NUFIP2: variants seen among roughly 807,000 people sequenced by gnomAD.
NUFIP2 encodes nuclear FMR1 interacting protein 2.
A neutral mutation model predicts 56.9 loss-of-function variants in NUFIP2; 6 were observed. The observed-to-expected ratio is 0.11, with a 90% CI of 0.06 to 0.21. NUFIP2 has a LOEUF of 0.21. NUFIP2 is among the 10% of genes least tolerant of loss of function. The probability of loss-of-function intolerance (pLI) is 1.00; values close to 1 mark genes in which losing one functional copy is unlikely to be tolerated. For synonymous variants in NUFIP2, 321 were observed against 298.2 expected, an observed-to-expected ratio of 1.08 and a Z score of -0.79; for missense variants, 828 against 826.8, an observed-to-expected ratio of 1.00 and a Z score of -0.02.
At chr17:29,284,706 CAAAAAAAAAAAAA>C (rs66700326) in intron 2 of NUFIP2, among the ~76,000 whole-genome samples, 5 of 53,636 alleles carry the variant, frequency 9.3e-5, no homozygotes, top group African/African-American at 3.2e-4. Context: ...GACTCCATCT[CAAAAAAAAAAAAA>C]AAAAAAAAGA....
At chr17:29,285,590 A>G (rs1355473601) in intron 2 of NUFIP2, among the ~76,000 whole-genome samples, 2 of 146,764 alleles carry the variant, frequency 1.4e-5, no homozygotes, top group African/African-American at 2.4e-5. Context: ...ACTCCATCTC[A>G]AAGAAAAAAA....
At chr17:29,268,251 T>C (rs1348840631) in intron 2 of NUFIP2, among the ~76,000 whole-genome samples, 1 of 152,140 alleles carries the variant, frequency 6.6e-6, no homozygotes, top group Non-Finnish European at 1.5e-5. Context: ...TGAAATCAAA[T>C]TGCCAGAATA....
intron 2 of NUFIP2, among the ~76,000 whole-genome samples, chr17:29,272,998 C>T (rs1046534144): frequency 4.6e-5 from 7 of 150,694 alleles, no homozygotes; most frequent in Non-Finnish European, 8.9e-5. Flanking sequence ...TACAGGCACA[C>T]GCCACCAGGC....
At chr17:29,268,787 C>G (rs1480718145) in intron 2 of NUFIP2, among the ~76,000 whole-genome samples, 2 of 152,006 alleles carry the variant, frequency 1.3e-5, no homozygotes, top group African/African-American at 2.4e-5. Flanking sequence ...CCTCAGCCCC[C>G]CAAAGTGCTG....
chr17:29,273,277 ATCCAC>A (rs2069087231), intron 2 of NUFIP2, among the ~76,000 whole-genome samples: 1 of 151,872 alleles, frequency 6.6e-6, no homozygotes, highest in South Asian at 2.1e-4. Context: ...TGACCTCGTG[ATCCAC>A]CCGCCTCGGC....
intron 1 of NUFIP2, among the ~76,000 whole-genome samples, chr17:29,293,337 T>C (rs1311780459): frequency 6.6e-6 from 1 of 151,642 alleles, no homozygotes; most frequent in African/African-American, 2.4e-5. Flanking sequence ...CCTCGCCGCC[T>C]GCAAAAGGGT....
rs1703909098 is a variant in NUFIP2 at position 29,262,005 on chromosome 17, C to G, written c.*2534G>C. ...TTTTTGGCTTCTCTGAACACTGAGG[C>G]CTGAGGGATATGGAAGGAAATTAGA... On this transcript the variant is annotated 3_prime_UTR_variant, in exon 4 of 4. Transcript: ENST00000225388. 1 of 152,262 alleles carries G rather than the reference C, an allele frequency of 6.6e-6. No homozygotes were observed. Among genetic ancestry groups the G allele is most frequent in the African/African-American group, 2.4e-5 (1 of 41,400 alleles). The allele number at this position is 152,262 out of a possible 1,614,324, so 9.4% of individuals were successfully genotyped here. A position where few individuals can be genotyped will look rare whatever the true frequency, so the allele number is the denominator to read the frequency against.
chr17:29,273,810 TAGC>T (rs2069091036), intron 2 of NUFIP2, among the ~76,000 whole-genome samples: 1 of 152,200 alleles, frequency 6.6e-6, no homozygotes, highest in Non-Finnish European at 1.5e-5. Flanking sequence ...AACTTATATT[TAGC>T]TATGCCACTC....
At position 29,273,956 on chromosome 17, in the gene NUFIP2, A is replaced by C. The variant is rs80257085; in HGVS notation, c.2003-6426T>G. Among the ~76,000 whole-genome samples the C allele has an allele frequency of 3.1e-3, 477 of 151,758 alleles. 18 individuals carry two copies. In the East Asian group the frequency reaches 0.08, roughly 26 times the overall value. On this transcript the variant is annotated intron_variant, in intron 2 of 3. Coordinates refer to ENST00000225388, the MANE Select transcript of NUFIP2 (RefSeq NM_020772.3). ...CCAAGTTGATTGAAAAAAAAATACT[A>C]CTCACCAGCTCAGGGTATGAAAAAA...
At chr17:29,279,065 A>C (rs2069125299) in intron 2 of NUFIP2, among the ~76,000 whole-genome samples, 1 of 152,252 alleles carries the variant, frequency 6.6e-6, no homozygotes, top group African/African-American at 2.4e-5. Context: ...TTGCAGGCAC[A>C]CATTAATAAG....
intron 2 of NUFIP2, among the ~76,000 whole-genome samples, chr17:29,281,131 T>C (rs189190705): frequency 1.4e-5 from 2 of 146,852 alleles, no homozygotes; most frequent in East Asian, 2.1e-4. Flanking sequence ...ACCGTCACTA[T>C]ATGTATATAT....
At chr17:29,280,489 G>A (rs994318979) in intron 2 of NUFIP2, among the ~76,000 whole-genome samples, 8 of 152,104 alleles carry the variant, frequency 5.3e-5, no homozygotes, top group Non-Finnish European at 1.0e-4. Context: ...TACTTAAGGA[G>A]GCTGAAGCAG....
At chr17:29,285,305 C>T (rs1336641849) in intron 2 of NUFIP2, among the ~76,000 whole-genome samples, 1 of 147,458 alleles carries the variant, frequency 6.8e-6, no homozygotes, top group African/African-American at 2.5e-5. Context: ...GTCTCAAAAA[C>T]AAATAAGCAA....
rs142397161 is a variant in NUFIP2, at chr17:29,287,822, G to A, written c.278-106C>T. The A allele has an allele frequency of 4.9e-5, 52 of 1,060,088 alleles. No homozygotes were observed. The African/African-American group carries it at 7.0e-4, about 14-fold the overall frequency. The allele number at this position is 1,060,088 out of a possible 1,614,324, so 65.7% of individuals were successfully genotyped here. A position where few individuals can be genotyped will look rare whatever the true frequency, so the allele number is the denominator to read the frequency against. ...TACTGTATGCTAGACACTATGCTAT[G>A]AGCTGTAGCTTTATATTATTTCACA... On this transcript the variant is annotated intron_variant, in intron 1 of 3. Coordinates refer to ENST00000225388, the MANE Select transcript of NUFIP2 (RefSeq NM_020772.3).
rs980574124 is a variant in NUFIP2, at chr17:29,294,019, T to C, written c.41A>G (p.His14Arg). 2 of 1,612,124 alleles carry C rather than the reference T, an allele frequency of 1.2e-6. No homozygotes were observed. Among genetic ancestry groups the C allele is most frequent in the African/African-American group, 2.7e-5 (2 of 74,844 alleles). The change falls in exon 1 of 4, where the codon CAC (histidine) becomes CGC (arginine). Residue 14 changes from histidine (H) to arginine (R), a missense_variant. Physicochemically the swap from His to Arg is conservative, Grantham distance 29. This residue lies in a region of NUFIP2 where 415 missense variants were observed against 408.7 expected (regional missense o/e 1.02). Transcript: ENST00000225388. ...GTGATGGTGCGGATGGTGGTGGCTG[T>C]GATGGTGCTGAGGCTGTGGCTGGCC... ...KPGQPQPQHH[H>R]SHHHPHHHPQ...
chr17:29,278,365 G>T (rs1434522976), intron 2 of NUFIP2, among the ~76,000 whole-genome samples: 1 of 151,850 alleles, frequency 6.6e-6, no homozygotes, highest in African/African-American at 2.4e-5. Context: ...TCCTGCCTCA[G>T]CCTCCCGAGT....
chr17:29,274,969 T>C (rs1219080761), intron 2 of NUFIP2, among the ~76,000 whole-genome samples: 3 of 152,118 alleles, frequency 2.0e-5, no homozygotes, highest in African/African-American at 7.2e-5. Flanking sequence ...ATGAATTCAA[T>C]TTAATATACA....
intron 2 of NUFIP2, among the ~76,000 whole-genome samples, chr17:29,280,410 A>G (rs897315465): frequency 2.0e-5 from 3 of 152,200 alleles, no homozygotes; most frequent in Non-Finnish European, 1.5e-5. Flanking sequence ...AGGCACAGTT[A>G]TATGTCCCAG....
chr17:29,275,960 G>A (rs993389248), intron 2 of NUFIP2, among the ~76,000 whole-genome samples: 8 of 151,190 alleles, frequency 5.3e-5, no homozygotes, highest in Admixed American at 1.3e-4. Flanking sequence ...CCCAGGAGGC[G>A]GAGGTTGCAG....
Sources: allele counts gnomAD v4.1 joint callset (sites outside exome capture counted in the v4.1 genomes callset), GRCh38; gene constraint gnomAD v4.1.1; regional missense constraint gnomAD v4.1.1; transcripts MANE v1.5; gene names NCBI Gene and HGNC (gene_info 2026-07-23, HGNC 2026-07-21).